ALPP: variants seen among roughly 807,000 people sequenced by gnomAD.
The protein encoded by ALPP is alkaline phosphatase, placental type.
In ALPP, 39 loss-of-function variants were observed where a neutral mutation model predicts 50.7. The observed-to-expected ratio is 0.77, with a 90% CI of 0.60 to 1.00. ALPP has a LOEUF of 1.00. Among genes scored for constraint, ALPP ranks in the 50% least tolerant of loss-of-function variants. The pLI is 0.00. For synonymous variants in ALPP, 226 were observed against 320.3 expected, an observed-to-expected ratio of 0.71 and a Z score of 3.14; for missense variants, 550 against 746.8, an observed-to-expected ratio of 0.74 and a Z score of 3.07.
At position 232,381,500 on chromosome 2, in the gene ALPP, G is replaced by T. The variant is rs772475606; in HGVS notation, c.1313G>T (p.Ser438Ile). ...CGGAACTGAACCCTCCAACCAGGGA[G>T]CCCCGAGTATCGGCAGCAGTCAGCA... ...RPDVTESESG[S>I]PEYRQQSAVP... Residue 438 changes from serine (S) to isoleucine (I), a missense_variant, in exon 11 of 11, where the codon AGC (serine) becomes ATC (isoleucine). Ser to Ile is a moderately radical substitution (Grantham distance 142, BLOSUM62 -2). Coordinates refer to ENST00000392027, the MANE Select transcript of ALPP (RefSeq NM_001632.5). 4.3e-6 allele frequency: 7 copies of T among 1,613,212 alleles called. No homozygotes were observed.
intron 3 of ALPP, 61 bp from the exon 4 acceptor site, chr2:232,379,452 G>C: frequency 6.2e-7 from 1 of 1,605,890 alleles, no homozygotes; most frequent in Non-Finnish European, 8.5e-7. Context: ...AGAGGACAGA[G>C]ATCAGGGTCT....
rs368471206 is a variant in ALPP at position 232,378,760 on chromosome 2, G to A, written c.-43G>A. 2.1e-5 allele frequency: 33 copies of A among 1,603,948 alleles called. No homozygotes were observed. The Admixed American group carries it at 2.9e-4, about 14-fold the overall frequency. ...GCCTGGAGTGCAGCTCATACTCCAT[G>A]CCCAGAATTCCTGCCTCGCCACTGT... On this transcript the variant is annotated 5_prime_UTR_variant, in exon 1 of 11. It removes an upstream start codon present in the reference 5' UTR. Coordinates refer to ENST00000392027, the MANE Select transcript of ALPP (RefSeq NM_001632.5).
Position 232,379,609 on chromosome 2 carries a change from G to A in ALPP, c.406G>A (p.Ala136Thr). Residue 136 changes from alanine (A) to threonine (T), a missense_variant, in exon 4 of 11, where the codon GCA becomes ACA. Ala to Thr is a moderately conservative substitution (Grantham distance 58). Coordinates refer to ENST00000392027, the MANE Select transcript of ALPP (RefSeq NM_001632.5). Reference sequence around the variant, plus strand: ...CAACTTCCAGACCATTGGCTTGAGTGCAGCCGCCCGCTTTAACCAGTGCAA... The same window carrying A: ...CAACTTCCAGACCATTGGCTTGAGTACAGCCGCCCGCTTTAACCAGTGCAA... ...KGNFQTIGLS[A>T]AARFNQCNTT... 1.2e-6 allele frequency: 2 copies of A among 1,613,960 alleles called. No homozygotes were observed. The highest frequency in any genetic ancestry group is 1.7e-6 in the Non-Finnish European group (2 of 1,180,004).
rs756126114 is a variant in ALPP at position 232,379,209 on chromosome 2, T to A, written c.203T>A (p.Val68Glu). The change falls in exon 3 of 11, where the codon GTG becomes GAG. Residue 68 changes from valine to glutamate, a missense_variant. By Grantham distance (121) the Val-to-Glu change is moderately radical. Around this residue, in one of 5 missense-constraint regions of ALPP, gnomAD observed 376 missense variants for 388.5 expected, o/e 0.97. Coordinates refer to ENST00000392027, the MANE Select transcript of ALPP (RefSeq NM_001632.5). Reference sequence around the variant, plus strand: ...ATTTCTGTTCCTTCAGGGATGGGGGTGTCTACGGTGACAGCTGCCAGGATC... The same window carrying A: ...ATTTCTGTTCCTTCAGGGATGGGGGAGTCTACGGTGACAGCTGCCAGGATC... ...LIIFLGDGMGVSTVTAARILK... is the reference protein window; with the variant it reads ...LIIFLGDGMGESTVTAARILK... 7 of 1,613,432 alleles carry A rather than the reference T, an allele frequency of 4.3e-6. No individual in the cohort carries two copies. The African/African-American group carries it at 9.4e-5, about 22-fold the overall frequency.
chr2:232,381,895 G>A lies in ALPP; in HGVS notation c.*100G>A, dbSNP rs1378372842. The A allele has an allele frequency of 6.8e-7, 1 of 1,475,682 alleles. No homozygotes were observed. The highest frequency in any genetic ancestry group is 2.2e-5 in the Admixed American group (1 of 45,226). The allele number at this position is 1,475,682 out of a possible 1,614,324, so 91.4% of individuals were successfully genotyped here. On this transcript the variant is annotated 3_prime_UTR_variant, in exon 11 of 11. Coordinates refer to ENST00000392027, the MANE Select transcript of ALPP (RefSeq NM_001632.5). ...CCTCCAGCCCGAGTCGTCATCCCCG[G>A]AGTCCCTATACAGAGGTCCTGCCAT...
At position 232,380,257 on chromosome 2, in the gene ALPP, C is replaced by T. The variant is rs773537802; in HGVS notation, c.729C>T (p.Tyr243=). The change falls in exon 6 of 11, where the codon TAC becomes TAT. Residue 243 remains tyrosine (Y), a synonymous_variant. Transcript: ENST00000392027. The stretch of plus-strand genomic sequence containing the variant: ...CAGACCCTGAGTACCCAGATGACTA[C>T]AGCCAAGGTGGGACCAGGCTGGACG... The part of the protein sequence containing the change: ...GTPDPEYPDD[Y]SQGGTRLDGK... The T allele has an allele frequency of 5.1e-5, 82 of 1,613,954 alleles. No individual in the cohort carries two copies. Among genetic ancestry groups the T allele is most frequent in the Non-Finnish European group, 6.6e-5 (78 of 1,180,008 alleles).
chr2:232,380,444 A>T lies in ALPP; in HGVS notation c.817A>T (p.Thr273Ser). 1.5e-5 allele frequency: 24 copies of T among 1,613,692 alleles called. No individual in the cohort carries two copies. The highest frequency in any genetic ancestry group is 2.0e-5 in the Non-Finnish European group (24 of 1,179,896). The change falls in exon 7 of 11, where the codon ACT (threonine) becomes TCT (serine). Residue 273 changes from threonine (T) to serine (S), a missense_variant. Around this residue, in one of 5 missense-constraint regions of ALPP, gnomAD observed 376 missense variants for 388.5 expected, o/e 0.97. Coordinates refer to ENST00000392027, the MANE Select transcript of ALPP (RefSeq NM_001632.5). ...GGGTGCCCGGTATGTGTGGAACCGCACTGAGCTCATGCAGGCTTCCCTGGA... is the reference window on the plus strand; with the variant it reads ...GGGTGCCCGGTATGTGTGGAACCGCTCTGAGCTCATGCAGGCTTCCCTGGA... ...RQGARYVWNR[T>S]ELMQASLDPS... is the part of the protein sequence containing the mutation.
In ALPP at chr2:232,378,802, C is replaced by T. The variant is rs199650929; in HGVS notation, c.-1C>T. ...CGCCACTGTCCTGCTGCCCTCCAGA[C>T]ATGCTGGGGCCCTGCATGCTGCTGC... On this transcript the variant is annotated 5_prime_UTR_variant, in exon 1 of 11. Transcript: ENST00000392027. 5.6e-6 allele frequency: 9 copies of T among 1,613,874 alleles called. No individual in the cohort carries two copies. Among genetic ancestry groups the T allele is most frequent in the African/African-American group, 4.0e-5 (3 of 75,040 alleles).
At position 232,378,978 on chromosome 2, in the gene ALPP, G is replaced by A; in HGVS notation, c.84G>A (p.Glu28=). The A allele has an allele frequency of 1.9e-6, 3 of 1,614,120 alleles. No individual in the cohort carries two copies. Among genetic ancestry groups the A allele is most frequent in the South Asian group, 2.2e-5 (2 of 91,062 alleles). Residue 28 remains glutamate (E), a synonymous_variant, in exon 2 of 11, where the codon GAG becomes GAA. Coordinates refer to ENST00000392027, the MANE Select transcript of ALPP (RefSeq NM_001632.5). Reference sequence around the variant, plus strand: ...TGCTCTCCCCCTGGCCAGTTGAGGAGGAGAACCCGGACTTCTGGAACCGCG... The same window carrying A: ...TGCTCTCCCCCTGGCCAGTTGAGGAAGAGAACCCGGACTTCTGGAACCGCG... ...QLSLGIIPVE[E]ENPDFWNREA...
chr2:232,381,920 T>C lies in ALPP; in HGVS notation c.*125T>C, dbSNP rs377289487. The C allele has an allele frequency of 1.4e-6, 2 of 1,404,662 alleles. No individual in the cohort carries two copies. Among genetic ancestry groups the C allele is most frequent in the Non-Finnish European group, 1.9e-6 (2 of 1,063,712 alleles). The allele number at this position is 1,404,662 out of a possible 1,614,324, so 87.0% of individuals were successfully genotyped here. On this transcript the variant is annotated 3_prime_UTR_variant, in exon 11 of 11. Transcript: ENST00000392027. ...GAGTCCCTATACAGAGGTCCTGCCA[T>C]GGAACCTTCCCCTCCCCGTGCGCTC...
In ALPP at chr2:232,379,320, G is replaced by T. The variant is rs781234757; in HGVS notation, c.309+5G>T. 6 of 1,613,980 alleles carry T rather than the reference G, an allele frequency of 3.7e-6. No homozygotes were observed. The East Asian group carries it at 1.3e-4, about 36-fold the overall frequency. On this transcript the variant is annotated splice_donor_5th_base_variant and intron_variant, in intron 3 of 10. Transcript: ENST00000392027. ...CCATATGTGGCTCTGTCCAAGGTAAGTGCTGGGCTACCTTAGAGTCCTCCA... is the reference window on the plus strand; with the variant it reads ...CCATATGTGGCTCTGTCCAAGGTAATTGCTGGGCTACCTTAGAGTCCTCCA...
rs1301406013 is a variant in ALPP at position 232,379,754 on chromosome 2, A to T, written c.485-10A>T. On this transcript the variant is annotated splice_polypyrimidine_tract_variant and intron_variant, in intron 4 of 10. Transcript: ENST00000392027. Reference sequence around the variant, plus strand: ...CGTTGGTCACATATACTGACCTCTGACACCCTTAGGGAAGTCAGTGGGAGT... The same window carrying T: ...CGTTGGTCACATATACTGACCTCTGTCACCCTTAGGGAAGTCAGTGGGAGT... The T allele has an allele frequency of 1.2e-6, 2 of 1,613,876 alleles. No individual in the cohort carries two copies. Among genetic ancestry groups the T allele is most frequent in the Admixed American group, 1.7e-5 (1 of 59,994 alleles).
rs752754048 is a variant in ALPP at position 232,379,637 on chromosome 2, C to T, written c.434C>T (p.Thr145Met). ...SAAARFNQCN[T>M]TRGNEVISVM... The stretch of plus-strand genomic sequence containing the variant: ...GCCGCCCGCTTTAACCAGTGCAACA[C>T]GACACGCGGCAACGAGGTCATCTCC... The change falls in exon 4 of 11, where the codon ACG becomes ATG. Residue 145 changes from threonine to methionine, a missense_variant. Around this residue, in one of 5 missense-constraint regions of ALPP, gnomAD observed 376 missense variants for 388.5 expected, o/e 0.97. Transcript: ENST00000392027. 1.1e-5 allele frequency: 18 copies of T among 1,613,798 alleles called. No individual in the cohort carries two copies. The highest frequency in any genetic ancestry group is 4.5e-5 in the East Asian group (2 of 44,884).
In ALPP at chr2:232,379,703, C is replaced by A; in HGVS notation, c.484+16C>A. On this transcript the variant is annotated intron_variant, in intron 4 of 10. Transcript: ENST00000392027. ...AAGAAAGCAGGTGAGCTGGGGCCCGCTGCTGGGTCACGGCCAGGTCACAGA... is the reference window on the plus strand; with the variant it reads ...AAGAAAGCAGGTGAGCTGGGGCCCGATGCTGGGTCACGGCCAGGTCACAGA... 1 of 1,614,008 alleles carries A rather than the reference C, an allele frequency of 6.2e-7. No individual in the cohort carries two copies. The highest frequency in any genetic ancestry group is 1.1e-5 in the South Asian group (1 of 91,056).
intron 7 of ALPP, 48 bp from the exon 8 acceptor site, chr2:232,380,575 C>T: frequency 6.2e-7 from 1 of 1,613,944 alleles, no homozygotes; most frequent in Non-Finnish European, 8.5e-7. Context: ...CCGCCAGCAC[C>T]CGCCCACCCC....
At position 232,381,549 on chromosome 2, in the gene ALPP, C is replaced by G. The variant is rs758194209; in HGVS notation, c.1362C>G (p.His454Gln). The stretch of plus-strand genomic sequence containing the variant: ...CAGTGCCCCTGGACGAAGAGACCCA[C>G]GCAGGCGAGGACGTGGCGGTGTTCG... ...QSAVPLDEET[H>Q]AGEDVAVFAR... is the part of the protein sequence containing the mutation. The change falls in exon 11 of 11, where the codon CAC (histidine) becomes CAG (glutamine). Residue 454 changes from histidine to glutamine, a missense_variant. Around this residue, in one of 5 missense-constraint regions of ALPP, gnomAD observed 155 missense variants for 167.6 expected, o/e 0.92. Coordinates refer to ENST00000392027, the MANE Select transcript of ALPP (RefSeq NM_001632.5). The G allele has an allele frequency of 8.1e-6, 13 of 1,613,156 alleles. No individual in the cohort carries two copies. The highest frequency in any genetic ancestry group is 2.7e-5 in the African/African-American group (2 of 75,056).
Position 232,378,973 on chromosome 2 carries a change from G to A in ALPP, c.79G>A (p.Glu27Lys), listed in dbSNP as rs1229344960. The A allele has an allele frequency of 2.5e-6, 4 of 1,613,906 alleles. No individual in the cohort carries two copies. The highest frequency in any genetic ancestry group is 1.7e-5 in the Admixed American group (1 of 60,016). ...ATTTTTGCTCTCCCCCTGGCCAGTT[G>A]AGGAGGAGAACCCGGACTTCTGGAA... ...LQLSLGIIPVEEENPDFWNRE... is the reference protein window; with the variant it reads ...LQLSLGIIPVKEENPDFWNRE... Residue 27 changes from glutamate to lysine, a missense_variant and splice_region_variant, in exon 2 of 11, where the codon GAG (glutamate) becomes AAG (lysine). By Grantham distance (56) the Glu-to-Lys change is moderately conservative. Coordinates refer to ENST00000392027, the MANE Select transcript of ALPP (RefSeq NM_001632.5).
chr2:232,379,233 T>A lies in ALPP; in HGVS notation c.227T>A (p.Ile76Asn), dbSNP rs924009679. The change falls in exon 3 of 11, where the codon ATC becomes AAC. Residue 76 changes from isoleucine (I) to asparagine (N), a missense_variant. Around this residue, in one of 5 missense-constraint regions of ALPP, gnomAD observed 376 missense variants for 388.5 expected, o/e 0.97. Coordinates refer to ENST00000392027, the MANE Select transcript of ALPP (RefSeq NM_001632.5). ...MGVSTVTAAR[I>N]LKGQKKDKLG... Reference sequence around the variant, plus strand: ...GTGTCTACGGTGACAGCTGCCAGGATCCTAAAAGGGCAGAAGAAGGACAAA... The same window carrying A: ...GTGTCTACGGTGACAGCTGCCAGGAACCTAAAAGGGCAGAAGAAGGACAAA... 6.2e-7 allele frequency: 1 copy of A among 1,613,784 alleles called. No homozygotes were observed. The highest frequency in any genetic ancestry group is 8.5e-7 in the Non-Finnish European group (1 of 1,179,988).
rs1471156857 is a variant in ALPP, at chr2:232,378,891, C to T, written c.76+13C>T. 3 of 1,612,612 alleles carry T rather than the reference C, an allele frequency of 1.9e-6. No homozygotes were observed. The highest frequency in any genetic ancestry group is 2.5e-6 in the Non-Finnish European group (3 of 1,179,852). On this transcript the variant is annotated intron_variant, in intron 1 of 10. Transcript: ENST00000392027. ...GGCATCATCCCAGGTAATGAGGCTC[C>T]CCGAGCTGCCCCTACACAACACACA...
Sources: allele counts gnomAD v4.1 joint callset, GRCh38; gene constraint gnomAD v4.1.1; regional missense constraint gnomAD v4.1.1; transcripts MANE v1.5; gene names NCBI Gene and HGNC (gene_info 2026-07-23, HGNC 2026-07-21).